The following AGMO variants were observed in gnomAD, a reference collection of about 807,000 sequenced individuals.
AGMO encodes the protein alkylglycerol monooxygenase.
AGMO carries 75 observed loss-of-function variants against 60.2 expected under a neutral mutation model. The ratio of observed to expected loss-of-function variants is 1.25; its 90% CI spans 1.03 to 1.51. The LOEUF (loss-of-function observed/expected upper bound fraction) is 1.51. AGMO is among the 40% of genes most tolerant of loss of function. The pLI is 0.00. For synonymous variants in AGMO, 261 were observed against 177.1 expected, an observed-to-expected ratio of 1.47 and a Z score of -3.76; for missense variants, 763 against 525.5, an observed-to-expected ratio of 1.45 and a Z score of -4.42.
intron 12 of AGMO, among the ~76,000 whole-genome samples, chr7:15,252,305 C>A (rs1367328006): frequency 6.6e-6 from 1 of 152,198 alleles, no homozygotes; most frequent in African/African-American, 2.4e-5. Flanking sequence ...CTAAGATCGG[C>A]TCCATGAGCC....
At chr7:15,365,228 T>G (rs539994566) in intron 12 of AGMO, among the ~76,000 whole-genome samples, 4 of 151,900 alleles carry the variant, frequency 2.6e-5, no homozygotes, top group Admixed American at 1.3e-4. Flanking sequence ...GAGAACCTAC[T>G]ACATGGTCTG....
At chr7:15,166,410 A>G in the AGMO span, among the ~76,000 whole-genome samples, 1 of 152,256 alleles carries the variant, frequency 6.6e-6, no homozygotes, top group East Asian at 1.9e-4. Flanking sequence ...GGGAGACCAG[A>G]GTGGGGAGGG....
intron 3 of AGMO, among the ~76,000 whole-genome samples, chr7:15,525,155 A>C (rs1784092014): frequency 6.6e-6 from 1 of 152,082 alleles, no homozygotes; most frequent in South Asian, 2.1e-4. Context: ...TTAAAATAGA[A>C]GTCTTCAGGC....
At chr7:15,338,198 T>G (rs755334303) in intron 12 of AGMO, among the ~76,000 whole-genome samples, 2 of 152,210 alleles carry the variant, frequency 1.3e-5, no homozygotes, top group Non-Finnish European at 2.9e-5. Flanking sequence ...AATAAATCAT[T>G]TTAAAATATA....
intron 6 of AGMO, among the ~76,000 whole-genome samples, chr7:15,393,573 T>G (rs1156935192): frequency 6.6e-6 from 1 of 152,246 alleles, no homozygotes; most frequent in African/African-American, 2.4e-5. Context: ...TAAACATTTT[T>G]GTTGTTACTT....
At chr7:15,165,877 GAATT>G in the AGMO span, among the ~76,000 whole-genome samples, 36 of 152,038 alleles carry the variant, frequency 2.4e-4, no homozygotes, top group South Asian at 1.2e-3. Flanking sequence ...CCATAGTAAG[GAATT>G]AATTGAAGAA....
intron 10 of AGMO, among the ~76,000 whole-genome samples, chr7:15,384,138 C>G (rs1055691742): frequency 1.3e-5 from 2 of 151,984 alleles, no homozygotes; most frequent in African/African-American, 4.8e-5. Flanking sequence ...GTGGTTTCAC[C>G]GTATTAGCCA....
intron 12 of AGMO, among the ~76,000 whole-genome samples, chr7:15,209,223 A>AT (rs1781515124): frequency 6.6e-6 from 1 of 152,190 alleles, no homozygotes; most frequent in African/African-American, 2.4e-5. Context: ...TCTCACATGG[A>AT]TAACAGTTTT....
At position 15,434,195 on chromosome 7, in the gene AGMO, C is replaced by A. The variant is rs141921823; in HGVS notation, c.410-3087G>T. ...GAACTGATAATGCAGTGGGATGAAA[C>A]TTTTGGGAACAGGAAAGAAGTGAGT... On this transcript the variant is annotated intron_variant, in intron 3 of 12. Transcript: ENST00000342526. Among the ~76,000 whole-genome samples, 319 of 152,112 alleles carry A rather than the reference C, an allele frequency of 2.1e-3. 1 individual carries two copies. Among genetic ancestry groups the A allele is most frequent in the African/African-American group, 7.1e-3 (296 of 41,518 alleles).
Position 15,365,512 on chromosome 7 carries a change from A to C in AGMO, c.1263+2T>G. ...CTGTGGCTACCTAAACAAATGTCTT[A>C]CCTCAAAAGCAGATGACAATGAAGG... On this transcript the variant is annotated splice_donor_variant, in intron 12 of 12. Coordinates refer to ENST00000342526, the MANE Select transcript of AGMO (RefSeq NM_001004320.2). LOFTEE classifies it high-confidence loss of function. 1.9e-6 allele frequency: 3 copies of C among 1,605,134 alleles called. No individual in the cohort carries two copies. Among genetic ancestry groups the C allele is most frequent in the Non-Finnish European group, 2.6e-6 (3 of 1,172,744 alleles).
At chr7:15,181,213 G>T in the AGMO span, among the ~76,000 whole-genome samples, 8 of 152,280 alleles carry the variant, frequency 5.3e-5, no homozygotes, top group Middle Eastern at 3.4e-3. Context: ...CATTAGAGAA[G>T]AATTCTCACT....
intron 12 of AGMO, among the ~76,000 whole-genome samples, chr7:15,293,957 G>C (rs997804357): frequency 1.3e-5 from 2 of 151,608 alleles, no homozygotes; most frequent in Non-Finnish European, 2.9e-5. Flanking sequence ...TTTAACAGAA[G>C]GTCTAAGTAA....
At chr7:15,385,289 G>C (rs1004716780) in intron 10 of AGMO, among the ~76,000 whole-genome samples, 157 bp downstream of exon 10, 5 of 152,184 alleles carry the variant, frequency 3.3e-5, no homozygotes, top group African/African-American at 1.2e-4. Context: ...TAGTAGTCTA[G>C]AAGATTTGTT....
chr7:15,496,792 A>T (rs1783245167), intron 3 of AGMO, among the ~76,000 whole-genome samples: 1 of 152,164 alleles, frequency 6.6e-6, no homozygotes, highest in Non-Finnish European at 1.5e-5. Flanking sequence ...AATTGAATGA[A>T]ATTAGCAAAG....
rs149839349 is a variant in AGMO at position 15,555,094 on chromosome 7, G to C, written c.257+5047C>G. Among the ~76,000 whole-genome samples the C allele has an allele frequency of 6.6e-5, 10 of 151,368 alleles. No individual in the cohort carries two copies. The East Asian group carries it at 1.7e-3, about 26-fold the overall frequency. On this transcript the variant is annotated intron_variant, in intron 2 of 12. Coordinates refer to ENST00000342526, the MANE Select transcript of AGMO (RefSeq NM_001004320.2). ...TGCCAATTTATATTATTCCACAACTGTCATTATAGCTGAGTGTTCTGATTT... is the reference window on the plus strand; with the variant it reads ...TGCCAATTTATATTATTCCACAACTCTCATTATAGCTGAGTGTTCTGATTT...
At chr7:15,315,603 T>C (rs1252010344) in intron 12 of AGMO, among the ~76,000 whole-genome samples, 1 of 152,000 alleles carries the variant, frequency 6.6e-6, no homozygotes, top group Non-Finnish European at 1.5e-5. Flanking sequence ...CCCACAGGCA[T>C]GAGCCACTGT....
chr7:15,522,041 G>A (rs116075978), intron 3 of AGMO, among the ~76,000 whole-genome samples: 1,756 of 151,868 alleles, frequency 0.012, 35 homozygotes, highest in African/African-American at 0.039. Flanking sequence ...ACAAGCCTCC[G>A]TATACAAACA....
At chr7:15,262,102 T>A (rs551109582) in intron 12 of AGMO, among the ~76,000 whole-genome samples, 3 of 152,086 alleles carry the variant, frequency 2.0e-5, no homozygotes. Flanking sequence ...TCACTACTTT[T>A]ATTGAACATA....
intron 12 of AGMO, among the ~76,000 whole-genome samples, chr7:15,212,272 A>ACG (rs1400279871): frequency 6.6e-6 from 1 of 151,704 alleles, no homozygotes; most frequent in East Asian, 1.9e-4. Context: ...ACACACACAC[A>ACG]CACACACACA....
Sources: allele counts gnomAD v4.1 joint callset (sites outside exome capture counted in the v4.1 genomes callset), GRCh38; gene constraint gnomAD v4.1.1; transcripts MANE v1.5; gene names NCBI Gene and HGNC (gene_info 2026-07-23, HGNC 2026-07-21).